Variants in GLS2 observed in about 807,000 individuals in gnomAD.
GLS2 encodes glutaminase 2.
A neutral mutation model predicts 79.0 loss-of-function variants in GLS2; 52 were observed. The ratio of observed to expected loss-of-function variants is 0.66; its 90% CI spans 0.53 to 0.83. The LOEUF (loss-of-function observed/expected upper bound fraction) is 0.83. Ranked by LOEUF, GLS2 falls within the 40% of genes least tolerant of loss-of-function variation. The pLI is 0.00. For missense variants in GLS2, 561 were observed against 764.8 expected (o/e 0.73, Z 3.14); for synonymous variants, 238 against 280.8 (o/e 0.85, Z 1.52).
intron 7 of GLS2, 165 bp from the exon 8 acceptor site, chr12:56,476,142 C>T (rs1307581971): frequency 7.9e-6 from 5 of 629,202 alleles, no homozygotes; most frequent in Non-Finnish European, 1.4e-5. Context: ...ACCGCACTTC[C>T]ATTGGCTCCT....
At chr12:56,474,349 A>C (rs918481373) in intron 12 of GLS2, 195 bp downstream of exon 12, 43 of 665,952 alleles carry the variant, frequency 6.5e-5, no homozygotes, top group Non-Finnish European at 9.5e-5. Flanking sequence ...TCGGCCTCCC[A>C]AAGACATCTC....
intron 12 of GLS2, 66 bp downstream of exon 12, chr12:56,474,478 A>T: frequency 6.3e-7 from 1 of 1,589,498 alleles, no homozygotes; most frequent in South Asian, 1.1e-5. Flanking sequence ...CTATCTTGAG[A>T]GAGTCAGTGT....
At chr12:56,477,205 C>G (rs2136186873) in intron 7 of GLS2, 1 of 153,518 alleles carries the variant, frequency 6.5e-6, no homozygotes, top group East Asian at 1.9e-4. Context: ...ATGGGCTAGT[C>G]TGACACCCTG....
rs1318804765 is a variant in GLS2 at position 56,488,025 on chromosome 12, G to A, written c.94C>T (p.Leu32Phe). ...AGGTGGTGCCGGACGCCCCCGCCAA[G>A]GAGGGGGCTCCGGCTCGGGTGACCC... is the stretch of plus-strand genomic sequence containing the variant. ...GWGHPSRSPL[L>F]GGGVRHHLSE... The change falls in exon 1 of 18, where the codon CTT (leucine) becomes TTT (phenylalanine). Residue 32 changes from leucine to phenylalanine, a missense_variant. Physicochemically the swap from Leu to Phe is conservative, Grantham distance 22. Transcript: ENST00000311966. 2.5e-6 allele frequency: 4 copies of A among 1,597,010 alleles called. No individual in the cohort carries two copies. The African/African-American group carries it at 4.0e-5, about 16-fold the overall frequency.
At chr12:56,482,918 T>G (rs999134521) in intron 1 of GLS2, among the ~76,000 whole-genome samples, 11 of 151,714 alleles carry the variant, frequency 7.3e-5, no homozygotes, top group Admixed American at 5.3e-4. Flanking sequence ...TTTTATCAGA[T>G]TATTTCCAAA....
chr12:56,476,662 C>T (rs1440767107), intron 7 of GLS2: 2 of 148,364 alleles, frequency 1.3e-5, no homozygotes, highest in East Asian at 2.0e-4. Context: ...GGCAGGATCT[C>T]GGCTCAACTG....
At chr12:56,476,000 C>T in intron 7 of GLS2, 23 bp from the exon 8 acceptor site, 1 of 1,610,862 alleles carries the variant, frequency 6.2e-7, no homozygotes, top group Non-Finnish European at 8.5e-7. Context: ...AGAGAGATGT[C>T]AGCATTCTAA....
intron 1 of GLS2, among the ~76,000 whole-genome samples, chr12:56,480,985 A>G (rs1437292400): frequency 1.3e-5 from 2 of 152,212 alleles, no homozygotes; most frequent in Admixed American, 1.3e-4. Flanking sequence ...AGTAATGTCT[A>G]CTTCACCTGG....
intron 1 of GLS2, among the ~76,000 whole-genome samples, chr12:56,481,148 CAG>C (rs1170356526): frequency 1.3e-5 from 2 of 149,210 alleles, no homozygotes; most frequent in Non-Finnish European, 3.0e-5. Flanking sequence ...TTTTTTGAGA[CAG>C]AGTTTTGCTC....
intron 9 of GLS2, 90 bp from the exon 10 acceptor site, chr12:56,475,200 A>G (rs1334136213): frequency 1.9e-6 from 3 of 1,604,292 alleles, no homozygotes; most frequent in Non-Finnish European, 2.5e-6. Flanking sequence ...AGACAGAACT[A>G]CATCACACCA....
chr12:56,477,749 GC>G, intron 6 of GLS2, 31 bp from the exon 7 acceptor site: 1 of 1,599,642 alleles, frequency 6.3e-7, no homozygotes, highest in Non-Finnish European at 8.5e-7. Flanking sequence ...AAGAGTCTTA[GC>G]CACTGAACAA....
chr12:56,480,903 C>T (rs1205100339), intron 1 of GLS2, among the ~76,000 whole-genome samples: 1 of 152,204 alleles, frequency 6.6e-6, no homozygotes, highest in Non-Finnish European at 1.5e-5. Context: ...GAGTTTGCCC[C>T]TTAATAGCTG....
In GLS2 at chr12:56,476,081, C is replaced by T. The variant is rs1592276062; in HGVS notation, c.838-104G>A. 3 of 1,097,684 alleles carry T rather than the reference C, an allele frequency of 2.7e-6. No homozygotes were observed. In the East Asian group the frequency reaches 7.2e-5, roughly 26 times the overall value. The allele number at this position is 1,097,684 out of a possible 1,614,324, so 68.0% of individuals were successfully genotyped here. A position where few individuals can be genotyped will look rare whatever the true frequency, so the allele number is the denominator to read the frequency against. On this transcript the variant is annotated intron_variant, in intron 7 of 17. Coordinates refer to ENST00000311966, the MANE Select transcript of GLS2 (RefSeq NM_013267.4). The stretch of plus-strand genomic sequence containing the variant: ...TTCTAGTGTTAGTCTGGTCCTGCTG[C>T]TGCAAATGTGTTCAATTTTATAATG...
At position 56,480,405 on chromosome 12, in the gene GLS2, A is replaced by G. The variant is rs755302793; in HGVS notation, c.183-18T>C. The G allele has an allele frequency of 3.1e-6, 5 of 1,605,396 alleles. No individual in the cohort carries two copies. The highest frequency in any genetic ancestry group is 4.3e-6 in the Non-Finnish European group (5 of 1,172,276). On this transcript the variant is annotated intron_variant, in intron 1 of 17. Coordinates refer to ENST00000311966, the MANE Select transcript of GLS2 (RefSeq NM_013267.4). ...ATGAATCACTGTTTGGGGGCAGAGA[A>G]TGGGGAGGAAAGTGGGGCCTGAGAA...
In GLS2 at chr12:56,479,901, C is replaced by G; in HGVS notation, c.283G>C (p.Ala95Pro). ...ERIPIHKFTT[A>P]LKATGLQTSD... is the part of the protein sequence containing the mutation. The stretch of plus-strand genomic sequence containing the variant: ...GTCTGCAGTCCAGTGGCCTTTAGTG[C>G]CTTTAGAGGAAAGAAGAGGCCAGAA... Residue 95 changes from alanine (A) to proline (P), a missense_variant and splice_region_variant, in exon 3 of 18, where the codon GCA becomes CCA. Ala to Pro is a conservative substitution (Grantham distance 27). Transcript: ENST00000311966. The G allele has an allele frequency of 6.2e-7, 1 of 1,612,272 alleles. No homozygotes were observed. The highest frequency in any genetic ancestry group is 8.5e-7 in the Non-Finnish European group (1 of 1,179,456).
intron 1 of GLS2, chr12:56,487,428 G>A (rs776559970): frequency 2.0e-4 from 32 of 158,610 alleles, no homozygotes; most frequent in Non-Finnish European, 3.9e-4. Context: ...AGGGAGCACT[G>A]CTACGCACAC....
chr12:56,471,352 C>T lies in GLS2; in HGVS notation c.*135G>A. The stretch of plus-strand genomic sequence containing the variant: ...GGTATTTTGACTCCCATAGAAAGCA[C>T]TAGCCTAAGTCACCAAATGACTGCT... On this transcript the variant is annotated 3_prime_UTR_variant, in exon 18 of 18. Transcript: ENST00000311966. The T allele has an allele frequency of 2.1e-6, 2 of 957,864 alleles. No homozygotes were observed. Among genetic ancestry groups the T allele is most frequent in the Non-Finnish European group, 3.0e-6 (2 of 662,134 alleles). The allele number at this position is 957,864 out of a possible 1,614,324, so 59.3% of individuals were successfully genotyped here. A position where few individuals can be genotyped will look rare whatever the true frequency, so the allele number is the denominator to read the frequency against.
chr12:56,475,213 A>G lies in GLS2; in HGVS notation c.930-103T>C, dbSNP rs774643917. ...AGAGACAGAACTACATCACACCACA[A>G]ACTAAATGAACCCCTTTATAACTTC... On this transcript the variant is annotated intron_variant, in intron 9 of 17. Coordinates refer to ENST00000311966, the MANE Select transcript of GLS2 (RefSeq NM_013267.4). The G allele has an allele frequency of 2.5e-5, 40 of 1,601,936 alleles. No homozygotes were observed. In the African/African-American group the frequency reaches 3.5e-4, roughly 14 times the overall value.
chr12:56,486,698 G>T (rs1870712499), intron 1 of GLS2, among the ~76,000 whole-genome samples: 2 of 152,136 alleles, frequency 1.3e-5, no homozygotes, highest in Non-Finnish European at 2.9e-5. Flanking sequence ...AAAAGTAGCG[G>T]GTTGTGGTGG....
Sources: allele counts gnomAD v4.1 joint callset (sites outside exome capture counted in the v4.1 genomes callset), GRCh38; gene constraint gnomAD v4.1.1; transcripts MANE v1.5; gene names NCBI Gene and HGNC (gene_info 2026-07-23, HGNC 2026-07-21).